The following ADNP variants were observed in gnomAD, a reference collection of about 807,000 sequenced individuals.
The protein encoded by ADNP is activity dependent neuroprotector homeobox, also known as activity-dependent neuroprotector homeobox protein.
Under a neutral mutation model 84.9 loss-of-function variants are expected in ADNP, and 4 were observed. The ratio of observed to expected loss-of-function variants is 0.05; its 90% CI spans 0.02 to 0.11. ADNP has a LOEUF of 0.11. ADNP is among the 10% of genes least tolerant of loss of function. ADNP has a pLI of 1.00. For missense variants in ADNP, 1,132 were observed against 1,326.0 expected (o/e 0.85, Z 2.27); for synonymous variants, 554 against 468.1 (o/e 1.18, Z -2.37).
chr20:50,926,546 A>G (rs1308801475), intron 2 of ADNP, among the ~76,000 whole-genome samples: 3 of 152,220 alleles, frequency 2.0e-5, no homozygotes, highest in Non-Finnish European at 4.4e-5. Context: ...TTTTTTTACT[A>G]CACTTAGATG....
intron 2 of ADNP, among the ~76,000 whole-genome samples, chr20:50,922,478 A>T (rs1360469702): frequency 2.0e-5 from 3 of 151,866 alleles, no homozygotes; most frequent in Non-Finnish European, 4.4e-5. Context: ...GTACAGATAA[A>T]GAAATGCGTA....
intron 2 of ADNP, among the ~76,000 whole-genome samples, chr20:50,926,926 A>C (rs2123010850): frequency 1.7e-5 from 2 of 118,430 alleles, no homozygotes; most frequent in South Asian, 4.5e-4. Flanking sequence ...CATCTTATTT[A>C]ATCAATAAAC....
At chr20:50,900,742 T>C (rs1981891042) in intron 5 of ADNP, among the ~76,000 whole-genome samples, 1 of 152,226 alleles carries the variant, frequency 6.6e-6, no homozygotes, top group Non-Finnish European at 1.5e-5. Context: ...CCTTTCCTCA[T>C]TATGGATAAA....
chr20:50,924,579 G>C (rs1393728116), intron 2 of ADNP, among the ~76,000 whole-genome samples: 1 of 152,188 alleles, frequency 6.6e-6, no homozygotes, highest in African/African-American at 2.4e-5. Flanking sequence ...AACAAGGATA[G>C]TCCTGAGAAA....
At chr20:50,903,230 C>A (rs904108137) in intron 4 of ADNP, among the ~76,000 whole-genome samples, 3 of 152,092 alleles carry the variant, frequency 2.0e-5, no homozygotes, top group Non-Finnish European at 4.4e-5. Context: ...ACCATAAGAC[C>A]TGGAACAGTG....
rs1980789897 is a variant in ADNP, at chr20:50,891,922, T to A, written c.2792A>T (p.Glu931Val). The change falls in exon 6 of 6, where the codon GAG becomes GTG. Residue 931 changes from glutamate (E) to valine (V), a missense_variant. Physicochemically the swap from Glu to Val is moderately radical, Grantham distance 121. Transcript: ENST00000621696. Reference sequence around the variant, plus strand: ...AATAGTTTCGTATTTTGAACCATCCTCTTTTTGGTCTAGCTTCTCCTCAGA... The same window carrying A: ...AATAGTTTCGTATTTTGAACCATCCACTTTTTGGTCTAGCTTCTCCTCAGA... Reference protein sequence around the residue: ...SESEEKLDQKEDGSKYETIHL... With the variant: ...SESEEKLDQKVDGSKYETIHL... 1 of 1,614,258 alleles carries A rather than the reference T, an allele frequency of 6.2e-7. No homozygotes were observed. The highest frequency in any genetic ancestry group is 8.5e-7 in the Non-Finnish European group (1 of 1,180,058).
Position 50,931,013 on chromosome 20 carries a change from C to A in ADNP, c.-452G>T, listed in dbSNP as rs1984713230. 1.4e-5 allele frequency: 2 copies of A among 144,514 alleles called. No homozygotes were observed. Among genetic ancestry groups the A allele is most frequent in the Non-Finnish European group, 3.1e-5 (2 of 65,036 alleles). 9.0% of individuals were successfully genotyped at this position (144,514 alleles called of 1,614,324 possible). On this transcript the variant is annotated 5_prime_UTR_variant, in exon 1 of 6. Coordinates refer to ENST00000621696, the MANE Select transcript of ADNP (RefSeq NM_001282531.3). The stretch of plus-strand genomic sequence containing the variant: ...CCGCGGGTGCTGCCGGGGGGCGCGG[C>A]GGGCGCAGCAGAGCGGCGGGCGGCG...
chr20:50,904,537 A>G (rs925045196), intron 3 of ADNP: 1 of 152,444 alleles, frequency 6.6e-6, no homozygotes, highest in Non-Finnish European at 1.5e-5. Context: ...TATATTTTGA[A>G]TACTTAAAGC....
Position 50,903,892 on chromosome 20 carries a change from T to C in ADNP, c.105A>G (p.Ile35Met). 2 of 1,609,052 alleles carry C rather than the reference T, an allele frequency of 1.2e-6. No individual in the cohort carries two copies. The highest frequency in any genetic ancestry group is 1.7e-6 in the Non-Finnish European group (2 of 1,176,164). Residue 35 changes from isoleucine to methionine, a missense_variant, in exon 4 of 6, where the codon ATA becomes ATG. Physicochemically the swap from Ile to Met is conservative, Grantham distance 10. This residue lies in a region of ADNP where 56 missense variants were observed against 94.6 expected (regional missense o/e 0.59). Coordinates refer to ENST00000621696, the MANE Select transcript of ADNP (RefSeq NM_001282531.3). ...TTAAAAATGACATGCTACTTACTTC[T>C]ATATGTTCTTTACAGTATTCCAACC... ...DIGLEYCKEH[I>M]EDFKQFEPND...
At chr20:50,908,260 C>T (rs546573773) in intron 2 of ADNP, among the ~76,000 whole-genome samples, 1 of 151,652 alleles carries the variant, frequency 6.6e-6, no homozygotes, top group South Asian at 2.1e-4. Context: ...CCTCCAGCCA[C>T]GCAGCTCCCC....
At chr20:50,896,545 G>GCT (rs1212945831) in intron 5 of ADNP, among the ~76,000 whole-genome samples, 1 of 152,102 alleles carries the variant, frequency 6.6e-6, no homozygotes, top group Non-Finnish European at 1.5e-5. Flanking sequence ...GGCGACAAGA[G>GCT]CAAGACCCCG....
At chr20:50,904,398 TG>T in intron 3 of ADNP, 2 of 171,592 alleles carry the variant, frequency 1.2e-5, no homozygotes, top group Non-Finnish European at 2.5e-5. Flanking sequence ...AAAATTTTTT[TG>T]TAGAGACTAG....
rs150310726 is a variant in ADNP, at chr20:50,894,875, C to T, written c.202-363G>A. ...ATCGGCCATTGCACTCCAGCCTGGG[C>T]GACAAGAGCGAAACTGTCTCAAAAA... On this transcript the variant is annotated intron_variant, in intron 5 of 5. Transcript: ENST00000621696. Among the ~76,000 whole-genome samples the T allele has an allele frequency of 6.1e-4, 93 of 152,004 alleles. 1 individual carries two copies. The highest frequency in any genetic ancestry group is 2.0e-3 in the African/African-American group (83 of 41,454).
intron 2 of ADNP, among the ~76,000 whole-genome samples, chr20:50,922,291 A>G (rs1984005586): frequency 6.6e-6 from 1 of 152,154 alleles, no homozygotes; most frequent in South Asian, 2.1e-4. Flanking sequence ...ATGGGGGCTC[A>G]GTCCCCAAAA....
rs748764317 is a variant in ADNP at position 50,893,475 on chromosome 20, A to G, written c.1239T>C (p.Ser413=). The change falls in exon 6 of 6, where the codon TCT becomes TCC. Residue 413 remains serine (S), a synonymous_variant. Transcript: ENST00000621696. The surrounding 1 kb of genome is among the most constrained non-coding windows in gnomAD (Gnocchi z 4.4). ...CTAACACTCTGGATGCCTGTGACTG[A>G]GAGAGGGAAGGAGACTTTAACTGGC... The part of the protein sequence containing the change: ...SSGQLKSPSL[S]QSQASRVLGQ... 2 of 1,613,968 alleles carry G rather than the reference A, an allele frequency of 1.2e-6. No homozygotes were observed. The highest frequency in any genetic ancestry group is 1.7e-5 in the Admixed American group (1 of 60,014).
At chr20:50,904,905 T>C (rs1982323679) in intron 2 of ADNP, 56 bp from the exon 3 acceptor site, 1 of 152,156 alleles carries the variant, frequency 6.6e-6, no homozygotes, top group Admixed American at 6.5e-5. Context: ...AGTTTCTGTA[T>C]ACTCCCCAAA....
At chr20:50,898,094 G>T (rs1040018161) in intron 5 of ADNP, among the ~76,000 whole-genome samples, 1 of 152,138 alleles carries the variant, frequency 6.6e-6, no homozygotes, top group African/African-American at 2.4e-5. Flanking sequence ...CTACCTCATG[G>T]ATCAAAGTCC....
At chr20:50,903,677 C>T (rs1982205314) in intron 4 of ADNP, among the ~76,000 whole-genome samples, 1 of 152,202 alleles carries the variant, frequency 6.6e-6, no homozygotes, top group African/African-American at 2.4e-5. Flanking sequence ...CTTAAGTCCT[C>T]AATGGTAGCC....
chr20:50,896,569 C>A (rs1015226695), intron 5 of ADNP, among the ~76,000 whole-genome samples: 1 of 151,502 alleles, frequency 6.6e-6, no homozygotes, highest in African/African-American at 2.4e-5. Context: ...CAAAAAAAAA[C>A]CAAAAACTTT....
Sources: allele counts gnomAD v4.1 joint callset (sites outside exome capture counted in the v4.1 genomes callset), GRCh38; gene constraint gnomAD v4.1.1; regional missense constraint gnomAD v4.1.1; non-coding constraint Gnocchi (gnomAD v3.1); transcripts MANE v1.5; gene names NCBI Gene and HGNC (gene_info 2026-07-23, HGNC 2026-07-21).